CA10: variants seen among roughly 807,000 people sequenced by gnomAD.
CA10 encodes carbonic anhydrase-related protein 10.
Under a neutral mutation model 44.2 loss-of-function variants are expected in CA10, and 14 were observed. The ratio of observed to expected loss-of-function variants is 0.32; its 90% CI spans 0.21 to 0.50. The LOEUF (loss-of-function observed/expected upper bound fraction) is 0.50. Ranked by LOEUF, CA10 falls within the 20% of genes least tolerant of loss-of-function variation. CA10 has a pLI of 0.99. For missense variants in CA10, 350 were observed against 409.7 expected (o/e 0.85, Z 1.26); for synonymous variants, 159 against 141.6 (o/e 1.12, Z -0.87).
intron 3 of CA10, among the ~76,000 whole-genome samples, chr17:51,906,060 C>T (rs191575274): frequency 1.1e-3 from 169 of 152,232 alleles, no homozygotes; most frequent in Admixed American, 4.4e-3. Flanking sequence ...GAGACTCTGT[C>T]TTTCCTTAGC....
intron 1 of CA10, chr17:52,135,150 T>C (rs939592211): frequency 5.5e-6 from 2 of 366,528 alleles, no homozygotes; most frequent in Non-Finnish European, 1.1e-5. Flanking sequence ...TTCTCAGCCA[T>C]GACAGGATGA....
At chr17:52,069,067 C>T (rs1987610950) in intron 2 of CA10, among the ~76,000 whole-genome samples, 1 of 152,116 alleles carries the variant, frequency 6.6e-6, no homozygotes, top group African/African-American at 2.4e-5. Flanking sequence ...GGACATTGGT[C>T]TTTTTCTCTT....
intron 2 of CA10, among the ~76,000 whole-genome samples, chr17:52,063,692 C>T (rs536433445): frequency 1.0e-3 from 152 of 152,324 alleles, no homozygotes; most frequent in African/African-American, 3.4e-3. Context: ...TGAGTAGAAA[C>T]AGCCTGAGGC....
intron 1 of CA10, among the ~76,000 whole-genome samples, chr17:52,091,984 T>C (rs183121769): frequency 1.7e-3 from 262 of 152,318 alleles, no homozygotes; most frequent in African/African-American, 5.9e-3. Context: ...ATAGGGCTTC[T>C]AAATCACTAC....
chr17:51,660,661 C>T (rs780352588), intron 4 of CA10, among the ~76,000 whole-genome samples: 1 of 152,176 alleles, frequency 6.6e-6, no homozygotes, highest in Non-Finnish European at 1.5e-5. Context: ...AGCAGAAGCC[C>T]TTTTGTGAGC....
intron 3 of CA10, among the ~76,000 whole-genome samples, chr17:51,832,982 A>G (rs539532148): frequency 7.9e-5 from 12 of 152,250 alleles, no homozygotes; most frequent in African/African-American, 2.6e-4. Flanking sequence ...TTCAGTTCTA[A>G]GATCCAAAAT....
chr17:51,869,031 A>G (rs1979685268), intron 3 of CA10, among the ~76,000 whole-genome samples: 1 of 152,010 alleles, frequency 6.6e-6, no homozygotes, highest in African/African-American at 2.4e-5. Context: ...AGATTTATAC[A>G]CCTCTAAAGC....
rs557339298 is a variant in CA10, at chr17:51,765,397, GCA to G, written c.280-17581_280-17580del. On this transcript the variant is annotated intron_variant, in intron 3 of 8. Coordinates refer to ENST00000451037, the MANE Select transcript of CA10 (RefSeq NM_020178.5). ...GATCAAAATGATGCAATTCAATACA[GCA>G]CAGTTCATTTTGTAAGGAAATATAC... Among the ~76,000 whole-genome samples the G allele has an allele frequency of 9.2e-5, 14 of 152,214 alleles. 1 individual carries two copies. In the South Asian group the frequency reaches 2.9e-3, roughly 32 times the overall value.
At chr17:52,092,285 A>G (rs1426521321) in intron 1 of CA10, among the ~76,000 whole-genome samples, 1 of 152,186 alleles carries the variant, frequency 6.6e-6, no homozygotes, top group African/African-American at 2.4e-5. Flanking sequence ...TTCTGGCACT[A>G]TGTTACTTTA....
chr17:51,742,069 T>C (rs1393633110), intron 4 of CA10, among the ~76,000 whole-genome samples: 1 of 152,158 alleles, frequency 6.6e-6, no homozygotes, highest in Non-Finnish European at 1.5e-5. Context: ...TGTAAACCCC[T>C]GTAATAGATG....
intron 3 of CA10, among the ~76,000 whole-genome samples, chr17:51,916,142 A>ACT (rs1981989303): frequency 1.6e-4 from 1 of 6,128 alleles, no homozygotes; most frequent in South Asian, 3.8e-3. Context: ...GCTGCTGGAA[A>ACT]CAGTGTCATT....
At chr17:52,067,298 T>C (rs76085158) in intron 2 of CA10, among the ~76,000 whole-genome samples, 1,619 of 152,354 alleles carry the variant, frequency 0.011, 32 homozygotes, top group African/African-American at 0.037. Flanking sequence ...CTCATGCTGT[T>C]GCTTCAAAGG....
intron 3 of CA10, among the ~76,000 whole-genome samples, chr17:51,816,315 T>C (rs1422190907): frequency 6.6e-6 from 1 of 152,258 alleles, no homozygotes; most frequent in East Asian, 1.9e-4. Context: ...TCCAGTCATC[T>C]GCTGATGGAC....
At chr17:51,885,903 C>A (rs919724101) in intron 3 of CA10, among the ~76,000 whole-genome samples, 1 of 152,152 alleles carries the variant, frequency 6.6e-6, no homozygotes, top group Non-Finnish European at 1.5e-5. Flanking sequence ...GCCACTGGGC[C>A]CCAGGATATA....
chr17:51,937,543 T>C (rs567444080), intron 2 of CA10, among the ~76,000 whole-genome samples: 44 of 152,250 alleles, frequency 2.9e-4, no homozygotes, highest in African/African-American at 1.0e-3. Context: ...CATTGAGAAC[T>C]AGGGCTGTCA....
chr17:51,697,267 G>A (rs758727116), intron 4 of CA10, among the ~76,000 whole-genome samples: 23 of 152,162 alleles, frequency 1.5e-4, no homozygotes, highest in Non-Finnish European at 3.1e-4. Context: ...ACCTGACTTG[G>A]GCTTCCCATT....
intron 2 of CA10, among the ~76,000 whole-genome samples, chr17:52,057,784 T>A (rs1987271179): frequency 6.6e-6 from 1 of 152,102 alleles, no homozygotes; most frequent in Admixed American, 6.6e-5. Flanking sequence ...GGTCATTTGG[T>A]GGGTTTCATT....
chr17:51,703,306 C>A (rs904711194), intron 4 of CA10, among the ~76,000 whole-genome samples: 2 of 152,090 alleles, frequency 1.3e-5, no homozygotes, highest in Non-Finnish European at 2.9e-5. Flanking sequence ...ATAACTCCAA[C>A]AAGGAAGTCA....
intron 1 of CA10, among the ~76,000 whole-genome samples, chr17:52,096,842 T>C (rs1988413643): frequency 6.6e-6 from 1 of 152,224 alleles, no homozygotes; most frequent in Non-Finnish European, 1.5e-5. Context: ...GAGGTATCAT[T>C]AAAGTTATAG....
Sources: gnomAD v4.1 joint callset for allele counts (sites outside exome capture counted in the v4.1 genomes callset) on GRCh38, gnomAD v4.1.1 for gene constraint, MANE v1.5 for transcripts, NCBI Gene and HGNC (gene_info 2026-07-23, HGNC 2026-07-21) for gene names.